ANKRA2: variants seen among roughly 807,000 people sequenced by gnomAD.
ANKRA2 encodes the protein ankyrin repeat family A member 2, also known as ankyrin repeat family A protein 2.
ANKRA2 carries 33 observed loss-of-function variants against 37.8 expected under a neutral mutation model. That is an observed-to-expected ratio of 0.87 (90% confidence interval 0.66 to 1.17). The LOEUF is 1.17. ANKRA2 is among the 50% of genes most tolerant of loss of function. The pLI is 0.00. For missense variants in ANKRA2, 326 were observed against 373.7 expected, an observed-to-expected ratio of 0.87 and a Z score of 1.05; for synonymous variants, 126 against 132.3, an observed-to-expected ratio of 0.95 and a Z score of 0.33.
intron 3 of ANKRA2, among the ~76,000 whole-genome samples, chr5:73,560,211 A>G (rs1747509687): frequency 6.6e-6 from 1 of 152,220 alleles, no homozygotes; most frequent in Non-Finnish European, 1.5e-5. Flanking sequence ...ATATCTATGG[A>G]GTACAAAGGG....
chr5:73,555,073 A>C, intron 5 of ANKRA2, 87 bp from the exon 6 acceptor site: 1 of 1,531,988 alleles, frequency 6.5e-7, no homozygotes, highest in Non-Finnish European at 8.7e-7. Flanking sequence ...ATAGTTCAAC[A>C]CTAGGCCTGG....
intron 3 of ANKRA2, 62 bp from the exon 4 acceptor site, chr5:73,557,702 G>A: frequency 8.2e-7 from 1 of 1,219,532 alleles, no homozygotes; most frequent in Non-Finnish European, 1.2e-6. Context: ...ATCATCCCAT[G>A]GTTCATGTTT....
At position 73,557,602 on chromosome 5, in the gene ANKRA2, G is replaced by T. The variant is rs113255787; in HGVS notation, c.487C>A (p.Leu163Ile). Residue 163 changes from leucine (L) to isoleucine (I), a missense_variant, in exon 4 of 9, where the codon CTC (leucine) becomes ATC (isoleucine). Transcript: ENST00000296785. ...VHQLAAQGEMLYLATRIEQEN... is the reference protein window; with the variant it reads ...VHQLAAQGEMIYLATRIEQEN... ...TGTTCGATACGAGTAGCCAGATAGA[G>T]CATCTCTCCCTGAGCAGCCAACTGG... 18 of 1,610,716 alleles carry T rather than the reference G, an allele frequency of 1.1e-5. No individual in the cohort carries two copies. Among genetic ancestry groups the T allele is most frequent in the African/African-American group, 5.3e-5 (4 of 74,884 alleles).
At chr5:73,563,410 C>T (rs2112025437) in intron 1 of ANKRA2, among the ~76,000 whole-genome samples, 1 of 152,188 alleles carries the variant, frequency 6.6e-6, no homozygotes, top group Non-Finnish European at 1.5e-5. Flanking sequence ...AATCTCTTAC[C>T]TAAGGTTAGT....
Position 73,561,123 on chromosome 5 carries a change from T to C in ANKRA2, c.448+7A>G. ...AATATAGTAATACATCAGTGGCAAATACTTACAATTTGCTAACAGAGGTGT... is the reference window on the plus strand; with the variant it reads ...AATATAGTAATACATCAGTGGCAAACACTTACAATTTGCTAACAGAGGTGT... On this transcript the variant is annotated splice_region_variant and intron_variant, in intron 3 of 8. Transcript: ENST00000296785. 2 of 1,605,706 alleles carry C rather than the reference T, an allele frequency of 1.2e-6. No homozygotes were observed. The highest frequency in any genetic ancestry group is 1.7e-6 in the Non-Finnish European group (2 of 1,177,118).
chr5:73,553,005 CT>C (rs1400418983), intron 8 of ANKRA2, among the ~76,000 whole-genome samples, 153 bp from the exon 9 acceptor site: 6 of 152,298 alleles, frequency 3.9e-5, no homozygotes, highest in African/African-American at 1.4e-4. Context: ...CAATGCAATA[CT>C]TTAAAAAACT....
At chr5:73,560,871 G>A (rs1420709907) in intron 3 of ANKRA2, among the ~76,000 whole-genome samples, 2 of 152,152 alleles carry the variant, frequency 1.3e-5, no homozygotes, top group Non-Finnish European at 2.9e-5. Context: ...TTTTACAGAT[G>A]TCTCATATAG....
At position 73,555,518 on chromosome 5, in the gene ANKRA2, T is replaced by C; in HGVS notation, c.582A>G (p.Gln194=). Reference sequence around the variant, plus strand: ...GAAGTAGGAACTCTACCACAGCTATTTGCCCGTGTGCTGCAGCCCACATCA... The same window carrying C: ...GAAGTAGGAACTCTACCACAGCTATCTGCCCGTGTGCTGCAGCCCACATCA... ...TPLMWAAAHG[Q]IAVVEFLLQN... The change falls in exon 5 of 9, where the codon CAA becomes CAG. Residue 194 remains glutamine, a synonymous_variant. Transcript: ENST00000296785. The C allele has an allele frequency of 3.7e-6, 6 of 1,613,876 alleles. No homozygotes were observed. The highest frequency in any genetic ancestry group is 5.1e-6 in the Non-Finnish European group (6 of 1,179,790).
chr5:73,556,982 A>G (rs952206572), intron 4 of ANKRA2, among the ~76,000 whole-genome samples: 7 of 148,896 alleles, frequency 4.7e-5, no homozygotes, highest in African/African-American at 1.5e-4. Context: ...ATTTACATAT[A>G]TAAAAAAATA....
chr5:73,560,649 G>C (rs1747524888), intron 3 of ANKRA2, among the ~76,000 whole-genome samples: 1 of 152,186 alleles, frequency 6.6e-6, no homozygotes, highest in East Asian at 1.9e-4. Context: ...GACTCCCAAA[G>C]TGTTGGGATT....
intron 2 of ANKRA2, among the ~76,000 whole-genome samples, chr5:73,562,268 C>T (rs560623223): frequency 3.3e-5 from 5 of 152,094 alleles, no homozygotes; most frequent in African/African-American, 4.8e-5. Flanking sequence ...CTGTCCACCT[C>T]GGCCTCCCAA....
chr5:73,554,381 C>A lies in ANKRA2; in HGVS notation c.746G>T (p.Gly249Val). The A allele has an allele frequency of 6.2e-7, 1 of 1,612,266 alleles. No individual in the cohort carries two copies. The highest frequency in any genetic ancestry group is 1.1e-5 in the South Asian group (1 of 90,912). Residue 249 changes from glycine (G) to valine (V), a missense_variant, in exon 7 of 9, where the codon GGA becomes GTA. By Grantham distance (109) the Gly-to-Val change is moderately radical. This residue lies in a region of ANKRA2 where 228 missense variants were observed against 260.2 expected (regional missense o/e 0.88). Transcript: ENST00000296785. ...VDVNEYDWNG[G>V]TPLLYAVHGN... ...ATGTACAGCATAAAGCAGAGGTGTTCCTCCATTCTGCAAAATGAAAAGGTG... is the reference window on the plus strand; with the variant it reads ...ATGTACAGCATAAAGCAGAGGTGTTACTCCATTCTGCAAAATGAAAAGGTG...
At chr5:73,552,893 T>A (rs781253300) in intron 8 of ANKRA2, 41 bp from the exon 9 acceptor site, 7 of 1,480,162 alleles carry the variant, frequency 4.7e-6, no homozygotes, top group Middle Eastern at 1.8e-4. Flanking sequence ...ACAGTGACTA[T>A]AAAATTTCTT....
intron 2 of ANKRA2, among the ~76,000 whole-genome samples, chr5:73,561,802 G>A (rs1747563417): frequency 6.6e-6 from 1 of 151,870 alleles, no homozygotes; most frequent in Non-Finnish European, 1.5e-5. Context: ...CATAGTGAAA[G>A]TTCTGGAAGA....
chr5:73,554,341 T>A lies in ANKRA2; in HGVS notation c.786A>T (p.Lys262Asn). 1.2e-6 allele frequency: 2 copies of A among 1,613,758 alleles called. No homozygotes were observed. The change falls in exon 7 of 9, where the codon AAA becomes AAT. Residue 262 changes from lysine to asparagine, a missense_variant. Lys to Asn is a moderately conservative substitution (Grantham distance 94). Around this residue, in one of 3 missense-constraint regions of ANKRA2, gnomAD observed 228 missense variants for 260.2 expected, o/e 0.88. Transcript: ENST00000296785. ...GCTTACCTAAGAGCATCTTTACACA[T>A]TTCACATGATTTCCATGTACAGCAT... ...LLYAVHGNHV[K>N]CVKMLLESGA...
At chr5:73,560,212 G>C (rs926829691) in intron 3 of ANKRA2, among the ~76,000 whole-genome samples, 2 of 152,068 alleles carry the variant, frequency 1.3e-5, no homozygotes, top group Non-Finnish European at 2.9e-5. Flanking sequence ...TATCTATGGA[G>C]TACAAAGGGG....
chr5:73,565,358 G>GT lies in ANKRA2; in HGVS notation c.-332_-331insA. 2 of 156,584 alleles carry GT rather than the reference G, an allele frequency of 1.3e-5. No homozygotes were observed. Among genetic ancestry groups the GT allele is most frequent in the South Asian group, 3.2e-4 (2 of 6,174 alleles). 9.7% of individuals were successfully genotyped at this position (156,584 alleles called of 1,614,324 possible). On this transcript the variant is annotated 5_prime_UTR_variant, in exon 1 of 9. It removes the in-frame stop codon of an upstream open reading frame in the 5' UTR. Transcript: ENST00000296785. ...GCGACCACCGACGACAGCAGACAGC[G>GT]AGTCGGGCCTTCCCATCTGAGGCCA...
Position 73,556,984 on chromosome 5 carries a change from A to T in ANKRA2, c.514+591T>A, listed in dbSNP as rs575406045. On this transcript the variant is annotated intron_variant, in intron 4 of 8. Coordinates refer to ENST00000296785, the MANE Select transcript of ANKRA2 (RefSeq NM_023039.5). ...ATATAAAATATATATTTACATATAT[A>T]AAAAAATACATATATATATATATAC... Among the ~76,000 whole-genome samples, 689 of 148,852 alleles carry T rather than the reference A, an allele frequency of 4.6e-3. 4 individuals are homozygous for T. Among genetic ancestry groups the T allele is most frequent in the Non-Finnish European group, 8.3e-3 (557 of 67,356 alleles).
rs1300361229 is a variant in ANKRA2, at chr5:73,561,247, C to G, written c.331G>C (p.Val111Leu). ...GTAGAGGGGGTGTAGACATGCCTTA[C>G]TTGAATTCCCGGAGAAGGAGATGTA... is the stretch of plus-strand genomic sequence containing the variant. ...IHTSPSPGIQ[V>L]RHVYTPSTTK... The change falls in exon 3 of 9, where the codon GTA becomes CTA. Residue 111 changes from valine to leucine, a missense_variant. Coordinates refer to ENST00000296785, the MANE Select transcript of ANKRA2 (RefSeq NM_023039.5). 8 of 1,613,262 alleles carry G rather than the reference C, an allele frequency of 5.0e-6. No individual in the cohort carries two copies. The highest frequency in any genetic ancestry group is 1.3e-5 in the African/African-American group (1 of 74,870).
Sources: allele counts gnomAD v4.1 joint callset (sites outside exome capture counted in the v4.1 genomes callset), GRCh38; gene constraint gnomAD v4.1.1; regional missense constraint gnomAD v4.1.1; transcripts MANE v1.5; gene names NCBI Gene and HGNC (gene_info 2026-07-23, HGNC 2026-07-21).